KCNMA1: variants seen among roughly 807,000 people sequenced by gnomAD.
KCNMA1 encodes potassium calcium-activated channel subfamily M alpha 1.
KCNMA1 carries 29 observed loss-of-function variants against 140.0 expected under a neutral mutation model. That is an observed-to-expected ratio of 0.21 (90% CI 0.15 to 0.28). The LOEUF (loss-of-function observed/expected upper bound fraction) is 0.28. Ranked by LOEUF, KCNMA1 falls within the 10% of genes least tolerant of loss-of-function variation. The pLI, the probability that KCNMA1 is intolerant of heterozygous loss-of-function variation, is 1.00. For missense variants in KCNMA1, 880 were observed against 1,602.2 expected (o/e 0.55, Z 7.70); for synonymous variants, 612 against 611.9 (o/e 1.00, Z 0.00).
chr10:77,448,229 A>G (rs2097564705), intron 1 of KCNMA1, among the ~76,000 whole-genome samples: 1 of 152,192 alleles, frequency 6.6e-6, no homozygotes, highest in Admixed American at 6.5e-5. Flanking sequence ...GCTGCTAGAA[A>G]CACTGTCTCC....
intron 1 of KCNMA1, among the ~76,000 whole-genome samples, chr10:77,448,851 G>A (rs952068399): frequency 6.6e-6 from 1 of 152,166 alleles, no homozygotes; most frequent in Non-Finnish European, 1.5e-5. Flanking sequence ...CACTTTGGGA[G>A]GCCAAGGCGG....
intron 1 of KCNMA1, among the ~76,000 whole-genome samples, chr10:77,610,999 C>T (rs2086658324): frequency 3.9e-5 from 6 of 152,186 alleles, no homozygotes; most frequent in Admixed American, 3.3e-4. Flanking sequence ...TGAACTGAGC[C>T]AAATTACTTG....
At chr10:76,919,272 C>CAACCA (rs1367716149) in intron 23 of KCNMA1, among the ~76,000 whole-genome samples, 1 of 152,096 alleles carries the variant, frequency 6.6e-6, no homozygotes, top group East Asian at 1.9e-4. Context: ...CTTACTCATG[C>CAACCA]AACCAAACAC....
At chr10:77,383,029 T>TATATATATA (rs1566450922) in intron 2 of KCNMA1, among the ~76,000 whole-genome samples, 2 of 113,566 alleles carry the variant, frequency 1.8e-5, no homozygotes, top group African/African-American at 3.4e-5. Flanking sequence ...TATATATATA[T>TATATATATA]TCCAAGTGGA....
chr10:77,036,383 T>A (rs1032107310), intron 15 of KCNMA1, among the ~76,000 whole-genome samples: 1 of 152,180 alleles, frequency 6.6e-6, no homozygotes, highest in South Asian at 2.1e-4. Flanking sequence ...CCTGCTCCCA[T>A]ATCTTTTCAT....
intron 23 of KCNMA1, among the ~76,000 whole-genome samples, chr10:76,938,454 G>A (rs1460800159): frequency 6.6e-6 from 1 of 152,030 alleles, no homozygotes; most frequent in East Asian, 1.9e-4. Context: ...AAGGTTTCAG[G>A]CTTCCATCTG....
chr10:77,145,056 C>T (rs983014639), intron 5 of KCNMA1, among the ~76,000 whole-genome samples: 8 of 152,156 alleles, frequency 5.3e-5, no homozygotes, highest in East Asian at 1.9e-4. Flanking sequence ...ATTCTGCCAT[C>T]GAATGCCCCA....
intron 2 of KCNMA1, among the ~76,000 whole-genome samples, chr10:77,296,918 G>GGC (rs2075312037): frequency 6.9e-6 from 1 of 144,604 alleles, no homozygotes; most frequent in Non-Finnish European, 1.5e-5. Flanking sequence ...TGGGCGGGGG[G>GGC]GCGGTGGGGG....
chr10:77,134,360 A>G (rs1339946655), intron 5 of KCNMA1, among the ~76,000 whole-genome samples: 1 of 149,756 alleles, frequency 6.7e-6, no homozygotes, highest in African/African-American at 2.5e-5. Flanking sequence ...ATACTTTATC[A>G]TTAGTTGATA....
chr10:77,527,067 G>A (rs548133514), intron 1 of KCNMA1, among the ~76,000 whole-genome samples: 43 of 152,332 alleles, frequency 2.8e-4, no homozygotes, highest in Middle Eastern at 6.8e-3. Flanking sequence ...CTGGGAGCTC[G>A]TCATGTCCCT....
intron 6 of KCNMA1, among the ~76,000 whole-genome samples, chr10:77,113,207 A>G (rs947497347): frequency 6.5e-5 from 8 of 123,620 alleles, no homozygotes; most frequent in African/African-American, 3.1e-4. Flanking sequence ...TGTCACAAAT[A>G]CTCAACTCTG....
At chr10:77,242,719 A>C (rs986969784) in intron 3 of KCNMA1, among the ~76,000 whole-genome samples, 57 of 152,120 alleles carry the variant, frequency 3.7e-4, no homozygotes, top group African/African-American at 1.3e-3. Context: ...CCCAGTACCT[A>C]GCAAAATGCC....
At chr10:77,355,605 A>C (rs1057157100) in intron 2 of KCNMA1, among the ~76,000 whole-genome samples, 4 of 152,210 alleles carry the variant, frequency 2.6e-5, no homozygotes, top group African/African-American at 7.2e-5. Context: ...ACACCAAAGG[A>C]TATGAAAGAT....
chr10:77,113,059 T>C (rs1264990547), intron 6 of KCNMA1, among the ~76,000 whole-genome samples: 1 of 152,196 alleles, frequency 6.6e-6, no homozygotes, highest in Non-Finnish European at 1.5e-5. Context: ...CCCAAAATTA[T>C]GTTTATTGAT....
In KCNMA1 at chr10:77,573,479, G is replaced by C. The variant is rs1042996187; in HGVS notation, c.378+63786C>G. On this transcript the variant is annotated intron_variant, in intron 1 of 27. Transcript: ENST00000286628. ...TGTGACTAAGAGAAGCATAATATGA[G>C]GCAAAACCTCAGCATCCTCCTCTAC... 2.0e-5 allele frequency among the ~76,000 whole-genome samples: 3 copies of C among 152,252 alleles called. No homozygotes were observed. In the East Asian group the frequency reaches 5.8e-4, roughly 29 times the overall value.
chr10:77,471,995 A>G (rs1243440077), intron 1 of KCNMA1, among the ~76,000 whole-genome samples: 1 of 149,714 alleles, frequency 6.7e-6, no homozygotes, highest in Non-Finnish European at 1.5e-5. Flanking sequence ...TGCCACATAC[A>G]CACACCACAC....
At chr10:77,346,789 C>T (rs2092232833) in intron 2 of KCNMA1, among the ~76,000 whole-genome samples, 1 of 152,188 alleles carries the variant, frequency 6.6e-6, no homozygotes, top group South Asian at 2.1e-4. Context: ...GAATTTGATG[C>T]ATCTGTCCTG....
intron 2 of KCNMA1, among the ~76,000 whole-genome samples, chr10:77,377,027 A>G (rs1453782770): frequency 6.6e-6 from 1 of 151,952 alleles, no homozygotes; most frequent in Non-Finnish European, 1.5e-5. Flanking sequence ...GAGTGGGAAC[A>G]CTTAGATTAC....
chr10:77,349,351 C>G (rs1312769583), intron 2 of KCNMA1, among the ~76,000 whole-genome samples: 3 of 152,202 alleles, frequency 2.0e-5, no homozygotes, highest in Admixed American at 2.0e-4. Flanking sequence ...CTTGAACTTT[C>G]CAGCCTCCAG....
Sources: allele counts gnomAD v4.1 joint callset (sites outside exome capture counted in the v4.1 genomes callset), GRCh38; gene constraint gnomAD v4.1.1; transcripts MANE v1.5; gene names NCBI Gene and HGNC (gene_info 2026-07-23, HGNC 2026-07-21).